RAD21: variants seen among roughly 807,000 people sequenced by gnomAD.
RAD21 encodes the protein RAD21 cohesin complex component.
Under a neutral mutation model 71.5 loss-of-function variants are expected in RAD21, and 18 were observed. That is an observed-to-expected ratio of 0.25 (90% CI 0.17 to 0.37). The LOEUF is 0.37. Among genes scored for constraint, RAD21 ranks in the 10% least tolerant of loss-of-function variants. RAD21 has a pLI of 1.00. For missense variants in RAD21, 493 were observed against 769.1 expected (o/e 0.64, Z 4.25); for synonymous variants, 248 against 254.0 (o/e 0.98, Z 0.22).
Position 116,856,789 on chromosome 8 carries a change from A to C in RAD21, c.689-18T>G. Reference sequence around the variant, plus strand: ...TTTGTCATCTGAAATAGGGAATGTAAGTTAGTTATAATTTGAAAAAGAAAT... The same window carrying C: ...TTTGTCATCTGAAATAGGGAATGTACGTTAGTTATAATTTGAAAAAGAAAT... On this transcript the variant is annotated intron_variant, in intron 6 of 13. Coordinates refer to ENST00000297338, the MANE Select transcript of RAD21 (RefSeq NM_006265.3). 6.8e-7 allele frequency: 1 copy of C among 1,478,984 alleles called. No individual in the cohort carries two copies. The highest frequency in any genetic ancestry group is 1.8e-4 in the Middle Eastern group (1 of 5,568). The allele number at this position is 1,478,984 out of a possible 1,614,324, so 91.6% of individuals were successfully genotyped here.
At chr8:116,849,057 G>A (rs1812300781) in intron 12 of RAD21, 28 bp from the exon 13 acceptor site, 1 of 1,500,910 alleles carries the variant, frequency 6.7e-7, no homozygotes, top group South Asian at 1.3e-5. Context: ...CCAAAAAGCT[G>A]ACAAAACAAG....
chr8:116,859,344 A>T (rs1000062304), intron 4 of RAD21, among the ~76,000 whole-genome samples: 2 of 151,796 alleles, frequency 1.3e-5, no homozygotes, highest in Non-Finnish European at 2.9e-5. Context: ...CTATTTAAAA[A>T]TTTTTCATTA....
chr8:116,848,562 A>AC (rs1396295898), intron 13 of RAD21, among the ~76,000 whole-genome samples: 2 of 152,200 alleles, frequency 1.3e-5, no homozygotes, highest in Non-Finnish European at 2.9e-5. Context: ...CTGATGCTAC[A>AC]CAATGACCCA....
chr8:116,852,851 T>G (rs1159981264), intron 9 of RAD21, 143 bp from the exon 10 acceptor site: 3 of 560,942 alleles, frequency 5.3e-6, no homozygotes, highest in Non-Finnish European at 8.0e-6. Flanking sequence ...TCACATTTCA[T>G]TCCATCTGAA....
Position 116,849,036 on chromosome 8 carries a change from A to G in RAD21, c.1621-7T>C. 1 of 1,565,586 alleles carries G rather than the reference A, an allele frequency of 6.4e-7. No homozygotes were observed. Among genetic ancestry groups the G allele is most frequent in the Non-Finnish European group, 8.6e-7 (1 of 1,159,210 alleles). ...CCCCTGATGCATCTTCATCCTGAATAAAAATGACCCCCAAAAAGCTGACAA... is the reference window on the plus strand; with the variant it reads ...CCCCTGATGCATCTTCATCCTGAATGAAAATGACCCCCAAAAAGCTGACAA... On this transcript the variant is annotated splice_polypyrimidine_tract_variant and splice_region_variant and intron_variant, in intron 12 of 13. Transcript: ENST00000297338.
chr8:116,851,132 T>A (rs1045006256), intron 11 of RAD21: 1 of 158,504 alleles, frequency 6.3e-6, no homozygotes, highest in East Asian at 1.8e-4. Context: ...CAGCAAATAA[T>A]AGGAGTGAGG....
rs1563692641 is a variant in RAD21, at chr8:116,863,272, CATT to C, written c.145-16_145-14del. ...ATGCCATTTTCACCTATGAATAAAACATTAATCATATTCCAAAACCTGCATTTC... is the reference window on the plus strand; with the variant it reads ...ATGCCATTTTCACCTATGAATAAAACAATCATATTCCAAAACCTGCATTTC... On this transcript the variant is annotated splice_polypyrimidine_tract_variant and intron_variant, in intron 2 of 13. Transcript: ENST00000297338. 1 of 1,600,040 alleles carries C rather than the reference CATT, an allele frequency of 6.2e-7. No individual in the cohort carries two copies. The highest frequency in any genetic ancestry group is 8.5e-7 in the Non-Finnish European group (1 of 1,171,164).
At chr8:116,867,113 T>C (rs1220849473) in intron 1 of RAD21, 1 of 155,582 alleles carries the variant, frequency 6.4e-6, no homozygotes, top group Non-Finnish European at 1.4e-5. Context: ...AGAAAATCTA[T>C]GAAGAAAGAT....
At chr8:116,848,873 C>CA (rs1554610597) in intron 13 of RAD21, 73 bp downstream of exon 13, 3 of 1,012,570 alleles carry the variant, frequency 3.0e-6, no homozygotes, top group South Asian at 4.1e-5. Context: ...CAGCATCTAA[C>CA]TTTTTTTTTT....
At chr8:116,854,524 C>G in intron 8 of RAD21, 56 bp from the exon 9 acceptor site, 1 of 1,327,200 alleles carries the variant, frequency 7.5e-7, no homozygotes, top group Non-Finnish European at 1.1e-6. Context: ...ATGGAACACA[C>G]AGCTACAAGA....
chr8:116,847,814 G>A (rs775376729), intron 13 of RAD21, 123 bp from the exon 14 acceptor site: 1 of 946,252 alleles, frequency 1.1e-6, no homozygotes, highest in Admixed American at 2.8e-5. Flanking sequence ...ATTTCCCAGT[G>A]TTAGAGATGG....
rs1563695515 is a variant in RAD21 at position 116,871,590 on chromosome 8, GACA to G, written c.-33+3018_-33+3020del. ...TACTGTCCTCTCTGAAGGACAATAT[GACA>G]ACATTTTATAAAAATTTCACTTACA... On this transcript the variant is annotated intron_variant, in intron 1 of 13. Transcript: ENST00000297338. Among the ~76,000 whole-genome samples, 4 of 152,110 alleles carry G rather than the reference GACA, an allele frequency of 2.6e-5. No homozygotes were observed. The South Asian group carries it at 8.3e-4, about 32-fold the overall frequency.
At chr8:116,863,767 T>C (rs1255880065) in intron 2 of RAD21, among the ~76,000 whole-genome samples, 1 of 152,006 alleles carries the variant, frequency 6.6e-6, no homozygotes, top group Non-Finnish European at 1.5e-5. Context: ...TGTGAATAGG[T>C]AGGGCTTGCT....
chr8:116,852,145 A>G (rs1355023975), intron 10 of RAD21, 49 bp from the exon 11 acceptor site: 5 of 1,477,490 alleles, frequency 3.4e-6, no homozygotes, highest in Non-Finnish European at 3.7e-6. Flanking sequence ...AGTTTTGAAC[A>G]GTATTATAGA....
chr8:116,868,391 T>G (rs915183564), intron 1 of RAD21, among the ~76,000 whole-genome samples: 2 of 152,194 alleles, frequency 1.3e-5, no homozygotes, highest in African/African-American at 4.8e-5. Context: ...GCTTGGACAT[T>G]CACCTATAGA....
At chr8:116,863,686 G>A (rs1812634903) in intron 2 of RAD21, among the ~76,000 whole-genome samples, 1 of 152,062 alleles carries the variant, frequency 6.6e-6, no homozygotes, top group African/African-American at 2.4e-5. Context: ...GGTGAAGTAT[G>A]CCAGAGAGTT....
intron 9 of RAD21, among the ~76,000 whole-genome samples, chr8:116,853,392 T>C (rs868715118): frequency 3.3e-5 from 5 of 152,362 alleles, no homozygotes; most frequent in Middle Eastern, 3.4e-3. Context: ...TTTAAACTAC[T>C]TTTAATGGCT....
chr8:116,848,892 C>A, intron 13 of RAD21, 54 bp downstream of exon 13: 4 of 1,446,482 alleles, frequency 2.8e-6, no homozygotes, highest in Admixed American at 2.1e-5. Context: ...TTTCAGGGAA[C>A]AATGGCAAAA....
intron 10 of RAD21, 138 bp from the exon 11 acceptor site, chr8:116,852,234 TC>T: frequency 1.2e-6 from 1 of 868,446 alleles, no homozygotes; most frequent in Non-Finnish European, 1.7e-6. Flanking sequence ...AAATTTTAGC[TC>T]CATAAAGATT....
Sources: gnomAD v4.1 joint callset for allele counts (sites outside exome capture counted in the v4.1 genomes callset) on GRCh38, gnomAD v4.1.1 for gene constraint, MANE v1.5 for transcripts, NCBI Gene and HGNC (gene_info 2026-07-23, HGNC 2026-07-21) for gene names.